TECRL: variants seen among roughly 807,000 people sequenced by gnomAD.
TECRL encodes trans-2,3-enoyl-CoA reductase-like.
Under a neutral mutation model 52.8 loss-of-function variants are expected in TECRL, and 63 were observed. The ratio of observed to expected loss-of-function variants is 1.19; its 90% CI spans 0.97 to 1.47. TECRL has a LOEUF of 1.47. Among genes scored for constraint, TECRL ranks in the 40% most tolerant of loss-of-function variants. The pLI is 0.00. For synonymous variants in TECRL, 164 were observed against 141.9 expected, an observed-to-expected ratio of 1.16 and a Z score of -1.10; for missense variants, 482 against 429.6, an observed-to-expected ratio of 1.12 and a Z score of -1.08.
intron 8 of TECRL, among the ~76,000 whole-genome samples, chr4:64,299,583 C>T (rs532939160): frequency 6.6e-6 from 1 of 151,166 alleles, no homozygotes; most frequent in African/African-American, 2.4e-5. Context: ...AAAAGGCTAA[C>T]TCTGAGTTCA....
At chr4:64,377,368 T>G (rs888980311) in intron 1 of TECRL, among the ~76,000 whole-genome samples, 11 of 152,078 alleles carry the variant, frequency 7.2e-5, no homozygotes, top group African/African-American at 2.7e-4. Flanking sequence ...GATAATTAGC[T>G]GAGCATATAA....
chr4:64,298,249 A>G (rs952344622), intron 8 of TECRL, among the ~76,000 whole-genome samples: 10 of 151,226 alleles, frequency 6.6e-5, no homozygotes, highest in African/African-American at 2.2e-4. Flanking sequence ...TACCTACTTC[A>G]TCTCTATTGG....
At chr4:64,379,531 A>C (rs1203187465) in intron 1 of TECRL, among the ~76,000 whole-genome samples, 1 of 152,120 alleles carries the variant, frequency 6.6e-6, no homozygotes, top group Non-Finnish European at 1.5e-5. Context: ...AATATATGTT[A>C]ATTGTTAATT....
chr4:64,308,885 T>C (rs537577797), intron 6 of TECRL, among the ~76,000 whole-genome samples: 52 of 152,336 alleles, frequency 3.4e-4, no homozygotes, highest in Admixed American at 3.3e-4. Flanking sequence ...TTGTAAGTAG[T>C]AAATATAAAT....
intron 2 of TECRL, among the ~76,000 whole-genome samples, chr4:64,332,259 G>A (rs1312578850): frequency 1.3e-5 from 2 of 152,112 alleles, no homozygotes; most frequent in Non-Finnish European, 1.5e-5. Context: ...GTAAAAGTCC[G>A]CAATTTCAGT....
intron 8 of TECRL, among the ~76,000 whole-genome samples, chr4:64,294,033 C>T (rs949960248): frequency 4.0e-5 from 6 of 151,110 alleles, no homozygotes; most frequent in Non-Finnish European, 7.4e-5. Context: ...GATACTCAGG[C>T]TGGAGTGCAG....
chr4:64,346,401 C>T (rs764967393), intron 2 of TECRL, among the ~76,000 whole-genome samples: 2 of 152,204 alleles, frequency 1.3e-5, no homozygotes, highest in African/African-American at 2.4e-5. Context: ...CTCCTACAGC[C>T]GACTTCTGTC....
chr4:64,302,745 T>C (rs1377928995), intron 7 of TECRL, among the ~76,000 whole-genome samples: 1 of 151,410 alleles, frequency 6.6e-6, no homozygotes, highest in East Asian at 1.9e-4. Flanking sequence ...GTAAGATATA[T>C]TAAAACAAAA....
At chr4:64,393,739 A>G (rs1426895316) in intron 1 of TECRL, among the ~76,000 whole-genome samples, 2 of 151,822 alleles carry the variant, frequency 1.3e-5, no homozygotes, top group African/African-American at 2.4e-5. Flanking sequence ...GTATTTAGAA[A>G]TTATAGACTC....
chr4:64,363,911 C>A (rs1207812011), intron 2 of TECRL, among the ~76,000 whole-genome samples: 1 of 152,168 alleles, frequency 6.6e-6, no homozygotes, highest in East Asian at 1.9e-4. Flanking sequence ...TTACTTTTTA[C>A]AAAATGAACC....
intron 1 of TECRL, among the ~76,000 whole-genome samples, chr4:64,387,737 G>A (rs903456762): frequency 7.9e-5 from 12 of 151,840 alleles, no homozygotes; most frequent in Admixed American, 6.6e-4. Context: ...TTTTGTAAAA[G>A]GGTTGTTTGG....
intron 2 of TECRL, among the ~76,000 whole-genome samples, chr4:64,349,079 A>C (rs1720194216): frequency 1.3e-5 from 2 of 148,418 alleles, no homozygotes; most frequent in Admixed American, 1.3e-4. Flanking sequence ...AAAAAAAAAA[A>C]CCTAAAATTT....
At chr4:64,294,890 C>A (rs1223045144) in intron 8 of TECRL, among the ~76,000 whole-genome samples, 1 of 151,948 alleles carries the variant, frequency 6.6e-6, no homozygotes, top group Non-Finnish European at 1.5e-5. Context: ...ATTAACTATT[C>A]TGATCTTGGA....
At chr4:64,280,978 C>G in intron 11 of TECRL, 63 bp downstream of exon 11, 1 of 1,262,662 alleles carries the variant, frequency 7.9e-7, no homozygotes, top group Non-Finnish European at 1.1e-6. Context: ...AACTTTTTCT[C>G]AGAAACCATT....
intron 1 of TECRL, among the ~76,000 whole-genome samples, chr4:64,404,983 A>T (rs1301136556): frequency 6.6e-6 from 1 of 152,120 alleles, no homozygotes; most frequent in Non-Finnish European, 1.5e-5. Context: ...AAACATTGCT[A>T]TTAATGCTGA....
chr4:64,397,525 A>G (rs1724037259), intron 1 of TECRL, among the ~76,000 whole-genome samples: 1 of 151,358 alleles, frequency 6.6e-6, no homozygotes, highest in East Asian at 2.0e-4. Context: ...AGGCCTGAGA[A>G]AACTCCCAGA....
intron 2 of TECRL, among the ~76,000 whole-genome samples, chr4:64,332,072 G>A (rs1718678072): frequency 6.6e-6 from 1 of 152,132 alleles, no homozygotes; most frequent in African/African-American, 2.4e-5. Context: ...CAAGATCTGG[G>A]AGACAGGAGA....
chr4:64,281,179 T>C, intron 10 of TECRL, 93 bp from the exon 11 acceptor site: 1 of 875,008 alleles, frequency 1.1e-6, no homozygotes, highest in Non-Finnish European at 1.7e-6. Flanking sequence ...AGGCTTAAAA[T>C]ATTAGAAAAC....
chr4:64,388,823 T>C (rs997588907), intron 1 of TECRL, among the ~76,000 whole-genome samples: 1 of 151,910 alleles, frequency 6.6e-6, no homozygotes, highest in Non-Finnish European at 1.5e-5. Context: ...ATATAAATAA[T>C]GTGAATATGC....
Sources: gnomAD v4.1 joint callset for allele counts (sites outside exome capture counted in the v4.1 genomes callset) on GRCh38, gnomAD v4.1.1 for gene constraint, MANE v1.5 for transcripts, NCBI Gene and HGNC (gene_info 2026-07-23, HGNC 2026-07-21) for gene names.